Variants in ADCY7 observed in about 807,000 individuals in gnomAD.
The protein encoded by ADCY7 is adenylate cyclase type 7.
A neutral mutation model predicts 120.6 loss-of-function variants in ADCY7; 72 were observed. The observed-to-expected ratio is 0.60, with a 90% CI of 0.49 to 0.73. The LOEUF (loss-of-function observed/expected upper bound fraction) is 0.73. Ranked by LOEUF, ADCY7 falls within the 30% of genes least tolerant of loss-of-function variation. ADCY7 has a pLI of 0.00. For synonymous variants in ADCY7, 661 were observed against 628.0 expected, an observed-to-expected ratio of 1.05 and a Z score of -0.78; for missense variants, 1,227 against 1,486.0, an observed-to-expected ratio of 0.83 and a Z score of 2.87.
intron 1 of ADCY7, among the ~76,000 whole-genome samples, chr16:50,280,136 A>C (rs753296376): frequency 2.0e-5 from 3 of 152,110 alleles, no homozygotes; most frequent in Non-Finnish European, 2.9e-5. Flanking sequence ...TGATCTGTTC[A>C]GGGAATCAGT....
Position 50,300,769 on chromosome 16 carries a change from G to T in ADCY7, c.1131G>T (p.Ser377=). The change falls in exon 9 of 26, where the codon TCG becomes TCT. Residue 377 remains serine, a synonymous_variant. Coordinates refer to ENST00000673801, the MANE Select transcript of ADCY7 (RefSeq NM_001114.5). ...TCAACATGCGTGTGGGCATACACTCGGGGAATGTGCTGTGCGGGGTCATCG... is the reference window on the plus strand; with the variant it reads ...TCAACATGCGTGTGGGCATACACTCTGGGAATGTGCTGTGCGGGGTCATCG... ...VDINMRVGIH[S]GNVLCGVIGL... The T allele has an allele frequency of 6.4e-7, 1 of 1,552,922 alleles. No individual in the cohort carries two copies. The highest frequency in any genetic ancestry group is 8.7e-7 in the Non-Finnish European group (1 of 1,147,676).
chr16:50,272,955 GCAGGGACCAGCACTTCTGTATCCCTTTGT>G (rs1567537488), intron 1 of ADCY7, among the ~76,000 whole-genome samples: 1 of 152,180 alleles, frequency 6.6e-6, no homozygotes, highest in African/African-American at 2.4e-5. Context: ...TCCCCTGGGG[GCAGGGACCAGCACTTCTGTATCCCTTTGT>G]CAGGCTCAGC....
chr16:50,287,536 T>C (rs1187548226), intron 1 of ADCY7, among the ~76,000 whole-genome samples: 3 of 151,056 alleles, frequency 2.0e-5, no homozygotes, highest in Non-Finnish European at 3.0e-5. Flanking sequence ...AAAAGAGAAT[T>C]TAAAAATTAG....
rs371428817 is a variant in ADCY7, at chr16:50,284,113, G to T, written c.-268-3799G>T. Among the ~76,000 whole-genome samples the T allele has an allele frequency of 1.1e-4, 16 of 152,176 alleles. No individual in the cohort carries two copies. The East Asian group carries it at 1.7e-3, about 17-fold the overall frequency. On this transcript the variant is annotated intron_variant, in intron 1 of 25. Coordinates refer to ENST00000673801, the MANE Select transcript of ADCY7 (RefSeq NM_001114.5). ...ACTTCCCGGGCAGGGGGTGCCTCTGGGTCTGGCTTTGGCGGGGTGGCTCCT... is the reference window on the plus strand; with the variant it reads ...ACTTCCCGGGCAGGGGGTGCCTCTGTGTCTGGCTTTGGCGGGGTGGCTCCT...
intron 4 of ADCY7, 56 bp downstream of exon 4, chr16:50,291,953 G>T (rs2035006997): frequency 6.5e-7 from 1 of 1,535,298 alleles, no homozygotes; most frequent in South Asian, 1.3e-5. Context: ...TCTAAGGGCA[G>T]ATGGGGGGGC....
At chr16:50,275,275 CCTT>C (rs762959642) in intron 1 of ADCY7, among the ~76,000 whole-genome samples, 3 of 152,178 alleles carry the variant, frequency 2.0e-5, no homozygotes, top group Non-Finnish European at 4.4e-5. Flanking sequence ...GCACCTGCAA[CCTT>C]CTTGTGCGCA....
At position 50,308,236 on chromosome 16, in the gene ADCY7, G is replaced by C. The variant is rs1308311266; in HGVS notation, c.1851-91G>C. ...GTGGGCAGAATACCAGGTAGGGTGG[G>C]GACAGGTGGCTGTGAGCCAGAGGAT... On this transcript the variant is annotated intron_variant, in intron 15 of 25. Coordinates refer to ENST00000673801, the MANE Select transcript of ADCY7 (RefSeq NM_001114.5). 8.1e-6 allele frequency: 8 copies of C among 987,638 alleles called. No individual in the cohort carries two copies. The African/African-American group carries it at 1.2e-4, about 14-fold the overall frequency. 61.2% of individuals were successfully genotyped at this position (987,638 alleles called of 1,614,324 possible). A position where few individuals can be genotyped will look rare whatever the true frequency, so the allele number is the denominator to read the frequency against.
intron 6 of ADCY7, among the ~76,000 whole-genome samples, chr16:50,294,090 C>T (rs1304459269): frequency 6.6e-6 from 1 of 152,190 alleles, no homozygotes; most frequent in African/African-American, 2.4e-5. Context: ...GTGGATGGTC[C>T]ATGAGCTTAA....
intron 4 of ADCY7, among the ~76,000 whole-genome samples, chr16:50,292,460 C>T (rs1344146494): frequency 6.6e-6 from 1 of 152,184 alleles, no homozygotes; most frequent in African/African-American, 2.4e-5. Context: ...TTCTGCCTCC[C>T]TGGGTGTCCT....
intron 1 of ADCY7, among the ~76,000 whole-genome samples, chr16:50,261,035 C>T (rs1346999061): frequency 6.6e-6 from 1 of 152,178 alleles, no homozygotes; most frequent in African/African-American, 2.4e-5. Flanking sequence ...GCTCGTAGCT[C>T]ACACCTACTG....
chr16:50,312,762 GC>G (rs2036557048), intron 21 of ADCY7, 127 bp from the exon 22 acceptor site: 2 of 770,280 alleles, frequency 2.6e-6, no homozygotes, highest in Non-Finnish European at 3.8e-6. Flanking sequence ...CATGCAGCCC[GC>G]CCCCCTCCCC....
At chr16:50,278,475 T>C (rs1416178264) in intron 1 of ADCY7, among the ~76,000 whole-genome samples, 1 of 152,264 alleles carries the variant, frequency 6.6e-6, no homozygotes, top group Non-Finnish European at 1.5e-5. Context: ...GGAGATTAGC[T>C]CCTTGTGATA....
intron 4 of ADCY7, among the ~76,000 whole-genome samples, 192 bp downstream of exon 4, chr16:50,292,089 T>C (rs2035020574): frequency 6.6e-6 from 1 of 152,214 alleles, no homozygotes; most frequent in African/African-American, 2.4e-5. Flanking sequence ...CTCTGGCCTT[T>C]GCTTTGCTGG....
chr16:50,257,445 AAG>A (rs1299986752), intron 1 of ADCY7, among the ~76,000 whole-genome samples: 2 of 152,174 alleles, frequency 1.3e-5, no homozygotes, highest in African/African-American at 2.4e-5. Flanking sequence ...CAAAATTACT[AAG>A]AGGGTAATTT....
intron 15 of ADCY7, 132 bp from the exon 16 acceptor site, chr16:50,308,195 A>C: frequency 6.6e-7 from 1 of 1,517,982 alleles, no homozygotes; most frequent in Non-Finnish European, 9.0e-7. Context: ...CACAGTTTTC[A>C]CAGGTCCCCT....
intron 4 of ADCY7, chr16:50,292,474 C>T (rs375637550): frequency 1.6e-6 from 1 of 611,660 alleles, no homozygotes. Flanking sequence ...GTGTCCTGGT[C>T]TTGCAGTCCT....
At chr16:50,266,170 C>T (rs1252510501), upstream of ADCY7, among the ~76,000 whole-genome samples, 5 of 152,226 alleles carry the variant, frequency 3.3e-5, no homozygotes, top group Admixed American at 1.3e-4. Flanking sequence ...CCCAGGAAGG[C>T]GCGGGGGGCC....
intron 17 of ADCY7, 28 bp from the exon 18 acceptor site, chr16:50,309,520 G>C (rs775813873): frequency 1.9e-6 from 3 of 1,602,226 alleles, no homozygotes. Flanking sequence ...CTTGTCCCTG[G>C]ACTGATGGGG....
upstream of ADCY7, among the ~76,000 whole-genome samples, chr16:50,265,881 G>A (rs143562326): frequency 2.0e-4 from 31 of 152,340 alleles, no homozygotes; most frequent in African/African-American, 7.0e-4. Context: ...GCCACTGAGC[G>A]CCCCATGATC....
Sources: gnomAD v4.1 joint callset for allele counts (sites outside exome capture counted in the v4.1 genomes callset) on GRCh38, gnomAD v4.1.1 for gene constraint, MANE v1.5 for transcripts, NCBI Gene and HGNC (gene_info 2026-07-23, HGNC 2026-07-21) for gene names.